Variants in VWA3B observed in about 807,000 individuals in gnomAD.
VWA3B encodes the protein von Willebrand factor A domain containing 3B, also known as von Willebrand factor A domain-containing protein 3B.
Under a neutral mutation model 158.3 loss-of-function variants are expected in VWA3B, and 138 were observed. The ratio of observed to expected loss-of-function variants is 0.87; its 90% CI spans 0.76 to 1.00. The LOEUF (loss-of-function observed/expected upper bound fraction) is 1.00, where lower values mean the gene tolerates loss of function less well. Ranked by LOEUF, VWA3B falls within the 50% of genes least tolerant of loss-of-function variation. The pLI is 0.00. For synonymous variants in VWA3B, 596 were observed against 587.3 expected (o/e 1.01, Z -0.21); for missense variants, 1,555 against 1,565.1 (o/e 0.99, Z 0.11).
chr2:98,290,664 A>G, intron 23 of VWA3B, 42 bp downstream of exon 23: 13 of 1,346,874 alleles, frequency 9.7e-6, no homozygotes, highest in Non-Finnish European at 1.1e-5. Flanking sequence ...TTTGTTAAAT[A>G]ATTTGATACT....
At chr2:98,159,438 G>A (rs902015392) in intron 7 of VWA3B, among the ~76,000 whole-genome samples, 5 of 151,850 alleles carry the variant, frequency 3.3e-5, no homozygotes, top group African/African-American at 9.7e-5. Flanking sequence ...TAGTAGAGAC[G>A]GAGTTTCACC....
At chr2:98,292,821 G>A (rs1456888376) in intron 23 of VWA3B, among the ~76,000 whole-genome samples, 10 of 151,760 alleles carry the variant, frequency 6.6e-5, no homozygotes, top group South Asian at 4.2e-4. Context: ...AGAATTAGCC[G>A]GACGTGGTGG....
chr2:98,304,984 A>G (rs1310895844), intron 26 of VWA3B, among the ~76,000 whole-genome samples: 1 of 151,812 alleles, frequency 6.6e-6, no homozygotes, highest in Non-Finnish European at 1.5e-5. Flanking sequence ...ATAGGCATCC[A>G]CCCTTACCCC....
In VWA3B at chr2:98,303,719, T is replaced by C. The variant is rs1216322459; in HGVS notation, c.3438T>C (p.Ser1146=). Residue 1146 remains serine, a synonymous_variant, in exon 26 of 28, where the codon AGT becomes AGC. Transcript: ENST00000477737. ...CNNRREFCPR[S]ALIKISQNKY... is the part of the protein sequence containing the mutation. ...TATTACAGGAATTTTGCCCTCGGAG[T>C]GCACTTATTAAGATCAGCCAAAACA... 15 of 1,614,032 alleles carry C rather than the reference T, an allele frequency of 9.3e-6. No individual in the cohort carries two copies. The highest frequency in any genetic ancestry group is 1.3e-5 in the African/African-American group (1 of 74,916).
chr2:98,229,426 G>A (rs1446358116), intron 15 of VWA3B, among the ~76,000 whole-genome samples: 1 of 152,176 alleles, frequency 6.6e-6, no homozygotes, highest in Non-Finnish European at 1.5e-5. Context: ...TCACAGTGTT[G>A]GAGCAGAAAT....
At chr2:98,239,090 A>T (rs1189061123) in intron 19 of VWA3B, among the ~76,000 whole-genome samples, 3 of 152,184 alleles carry the variant, frequency 2.0e-5, no homozygotes, top group Admixed American at 1.3e-4. Context: ...TGCTAGTGAG[A>T]GTATAAATTG....
chr2:98,119,417 C>T (rs1674781878), intron 3 of VWA3B, 96 bp from the exon 4 acceptor site: 2 of 1,388,172 alleles, frequency 1.4e-6, no homozygotes, highest in Non-Finnish European at 2.0e-6. Flanking sequence ...TCATTGACAA[C>T]ACTGTTATGA....
chr2:98,280,486 G>A (rs1311819279), intron 22 of VWA3B, among the ~76,000 whole-genome samples: 2 of 152,214 alleles, frequency 1.3e-5, no homozygotes, highest in Non-Finnish European at 2.9e-5. Flanking sequence ...CCTGGGGTCA[G>A]GGAGGGGAAG....
At chr2:98,211,749 T>TTA (rs1160621766) in intron 12 of VWA3B, among the ~76,000 whole-genome samples, 181 bp from the exon 13 acceptor site, 13 of 152,248 alleles carry the variant, frequency 8.5e-5, no homozygotes, top group African/African-American at 3.1e-4. Context: ...AAAGAGACTT[T>TTA]TAGGCATACC....
Position 98,224,596 on chromosome 2 carries a change from A to G in VWA3B, c.2020-3606A>G, listed in dbSNP as rs570132100. On this transcript the variant is annotated intron_variant, in intron 14 of 27. Transcript: ENST00000477737. Reference sequence around the variant, plus strand: ...ATCAAAATAGAATTGTAAGAAAAAAAAAGTTTAAATAACCTGAAGGAAGGC... The same window carrying G: ...ATCAAAATAGAATTGTAAGAAAAAAGAAGTTTAAATAACCTGAAGGAAGGC... Among the ~76,000 whole-genome samples, 478 of 151,562 alleles carry G rather than the reference A, an allele frequency of 3.2e-3. 2 individuals are homozygous for G. Among genetic ancestry groups the G allele is most frequent in the African/African-American group, 0.011 (445 of 41,536 alleles).
At chr2:98,242,485 T>C (rs1686137271) in intron 19 of VWA3B, among the ~76,000 whole-genome samples, 1 of 152,020 alleles carries the variant, frequency 6.6e-6, no homozygotes, top group Non-Finnish European at 1.5e-5. Context: ...TGAAAAGCAT[T>C]GAAATAATTT....
At chr2:98,282,692 G>T (rs1688953859) in intron 22 of VWA3B, among the ~76,000 whole-genome samples, 1 of 152,112 alleles carries the variant, frequency 6.6e-6, no homozygotes, top group Non-Finnish European at 1.5e-5. Context: ...ACCCGCCTCA[G>T]CCACCAAAAG....
At chr2:98,252,381 A>G (rs776345558) in intron 20 of VWA3B, among the ~76,000 whole-genome samples, 5 of 152,148 alleles carry the variant, frequency 3.3e-5, no homozygotes, top group Admixed American at 6.5e-5. Flanking sequence ...TACCATTCAC[A>G]TTCTAATGTA....
Position 98,194,487 on chromosome 2 carries a change from A to AGG in VWA3B, c.1732_1733insGG (p.Ile578ArgfsTer2), listed in dbSNP as rs754787415. The AGG allele has an allele frequency of 6.2e-7, 1 of 1,613,838 alleles. No individual in the cohort carries two copies. Among genetic ancestry groups the AGG allele is most frequent in the Non-Finnish European group, 8.5e-7 (1 of 1,179,786 alleles). ...ACAGGCTCAGTCCTGGATTAGAGAC[A>AGG]TAAAGGTAAGTTGGAGACTAAGCTG... On this transcript the variant is annotated frameshift_variant, in exon 12 of 28. Transcript: ENST00000477737. LOFTEE classifies it high-confidence loss of function.
chr2:98,322,013 G>T, the VWA3B span, among the ~76,000 whole-genome samples: 1 of 152,148 alleles, frequency 6.6e-6, no homozygotes, highest in East Asian at 1.9e-4. Context: ...ATTTCATAAA[G>T]GGGAGTTCCC....
At chr2:98,216,988 C>CCCCCCCG in intron 13 of VWA3B, 1 of 1,250,626 alleles carries the variant, frequency 8.0e-7, no homozygotes, top group Non-Finnish European at 1.0e-6. Flanking sequence ...AAGCACCCGC[C>CCCCCCCG]CCGCACCCAG....
chr2:98,301,682 G>A (rs948982295), intron 25 of VWA3B, among the ~76,000 whole-genome samples: 2 of 152,160 alleles, frequency 1.3e-5, no homozygotes, highest in African/African-American at 4.8e-5. Context: ...TTGGACGGAT[G>A]TTTGTTAAGG....
At chr2:98,327,033 G>T in the VWA3B span, among the ~76,000 whole-genome samples, 3 of 150,914 alleles carry the variant, frequency 2.0e-5, no homozygotes, top group Admixed American at 6.6e-5. Flanking sequence ...AGAGACTCAC[G>T]CCTGTAATCC....
intron 23 of VWA3B, among the ~76,000 whole-genome samples, chr2:98,297,541 G>GA (rs1307592034): frequency 2.0e-5 from 3 of 152,008 alleles, no homozygotes; most frequent in Non-Finnish European, 4.4e-5. Flanking sequence ...AAGTATTATG[G>GA]AAAAAAATAG....
Sources: gnomAD v4.1 joint callset for allele counts (sites outside exome capture counted in the v4.1 genomes callset) on GRCh38, gnomAD v4.1.1 for gene constraint, MANE v1.5 for transcripts, NCBI Gene and HGNC (gene_info 2026-07-23, HGNC 2026-07-21) for gene names.